ITGA10: variants seen among roughly 807,000 people sequenced by gnomAD.
ITGA10 encodes the protein integrin alpha-10.
Under a neutral mutation model 145.2 loss-of-function variants are expected in ITGA10, and 105 were observed. That is an observed-to-expected ratio of 0.72 (90% CI 0.62 to 0.85). The LOEUF (loss-of-function observed/expected upper bound fraction) is 0.85. Ranked by LOEUF, ITGA10 falls within the 40% of genes least tolerant of loss-of-function variation. ITGA10 has a pLI of 0.00. For synonymous variants in ITGA10, 506 were observed against 557.8 expected (o/e 0.91, Z 1.31); for missense variants, 1,317 against 1,444.5 (o/e 0.91, Z 1.43).
rs1654888382 is a variant in ITGA10 at position 145,892,826 on chromosome 1, T to A, written c.3476A>T (p.Glu1159Val). The change falls in exon 30 of 30, where the codon GAA (glutamate) becomes GTA (valine). Residue 1159 changes from glutamate to valine, a missense_variant. Transcript: ENST00000369304. ...TTGCTCCAACTTCTCTTCTCTTTTT[T>A]CTTCCTCAGGGATTTTCTTATGGGC... Reference protein sequence around the residue: ...FFAHKKIPEEEKREEKLEQ With the variant: ...FFAHKKIPEEVKREEKLEQ 1 of 1,613,760 alleles carries A rather than the reference T, an allele frequency of 6.2e-7. No individual in the cohort carries two copies. The highest frequency in any genetic ancestry group is 8.5e-7 in the Non-Finnish European group (1 of 1,179,776).
In ITGA10 at chr1:145,901,246, T is replaced by C. The variant is rs1553748236; in HGVS notation, c.1476A>G (p.Pro492=). Residue 492 remains proline, a synonymous_variant, in exon 13 of 30, where the codon CCA becomes CCG. Transcript: ENST00000369304. The surrounding 1 kb of genome is among the most constrained non-coding windows in gnomAD (Gnocchi z 4.3). ...IGSYFGSELC[P]LDTDRDGTTD... is the part of the protein sequence containing the mutation. The stretch of plus-strand genomic sequence containing the variant: ...TTGTTCCATCCCTATCTGTATCCAA[T>C]GGGCAGAGCTCACTGCCAAAGTATG... 2 of 1,614,074 alleles carry C rather than the reference T, an allele frequency of 1.2e-6. No homozygotes were observed. Among genetic ancestry groups the C allele is most frequent in the Non-Finnish European group, 1.7e-6 (2 of 1,180,024 alleles).
chr1:145,903,077 A>C, intron 7 of ITGA10, 116 bp from the exon 8 acceptor site: 1 of 962,772 alleles, frequency 1.0e-6, no homozygotes, highest in Non-Finnish European at 1.5e-6. Context: ...AGGATTTAAC[A>C]TCAGCACTTC....
At position 145,893,249 on chromosome 1, in the gene ITGA10, C is replaced by T. The variant is rs149974356; in HGVS notation, c.3350G>A (p.Arg1117Gln). The change falls in exon 29 of 30, where the codon CGG becomes CAG. Residue 1117 changes from arginine to glutamine, a missense_variant. Transcript: ENST00000369304. Reference sequence around the variant, plus strand: ...GATCCACAGGGAGATGAGGATAGGCCGGGTCTGAACCACCTCCAAGAGGCT... The same window carrying T: ...GATCCACAGGGAGATGAGGATAGGCTGGGTCTGAACCACCTCCAAGAGGCT... ...SESLLEVVQT[R>Q]PILISLWILI... The T allele has an allele frequency of 2.9e-4, 474 of 1,613,858 alleles. No homozygotes were observed. The highest frequency in any genetic ancestry group is 3.7e-4 in the Non-Finnish European group (437 of 1,179,904).
intron 17 of ITGA10, 42 bp from the exon 18 acceptor site, chr1:145,898,265 T>C (rs782237888): frequency 1.0e-5 from 13 of 1,271,920 alleles, no homozygotes; most frequent in African/African-American, 1.5e-5. Context: ...GTCAAGGATC[T>C]TGTGATAATT....
intron 1 of ITGA10, among the ~76,000 whole-genome samples, chr1:145,909,034 G>A (rs190431613): frequency 2.4e-4 from 37 of 152,108 alleles, no homozygotes; most frequent in Admixed American, 9.8e-4. Context: ...CAAGCATGGT[G>A]GCTCATGCCT....
chr1:145,908,476 C>G (rs1224724713), intron 1 of ITGA10, among the ~76,000 whole-genome samples: 2 of 152,136 alleles, frequency 1.3e-5, no homozygotes, highest in Non-Finnish European at 2.9e-5. Flanking sequence ...CCCTACCTAC[C>G]TCCATGGTTT....
At chr1:145,904,931 G>T in intron 5 of ITGA10, 120 bp from the exon 6 acceptor site, 2 of 1,011,848 alleles carry the variant, frequency 2.0e-6, no homozygotes, top group Non-Finnish European at 3.0e-6. Context: ...TGCAAAGAAG[G>T]TACTGTGCCA....
intron 8 of ITGA10, 22 bp downstream of exon 8, chr1:145,902,789 C>T (rs1656539422): frequency 6.3e-7 from 1 of 1,596,026 alleles, no homozygotes; most frequent in South Asian, 1.1e-5. Flanking sequence ...CCAACTCTTC[C>T]AGATCCAGGG....
rs1655347228 is a variant in ITGA10 at position 145,896,029 on chromosome 1, T to C, written c.2987A>G (p.His996Arg). 1.2e-6 allele frequency: 2 copies of C among 1,613,918 alleles called. No homozygotes were observed. Among genetic ancestry groups the C allele is most frequent in the South Asian group, 2.2e-5 (2 of 91,072 alleles). ...CAGTGATAGGAAGTAATTGCCCCCA[T>C]GGGCCACAGCTGGAAGGAGGGCTGA... ...IISALLPAVA[H>R]GGNYFLSLSQ... The change falls in exon 25 of 30, where the codon CAT becomes CGT. Residue 996 changes from histidine (H) to arginine (R), a missense_variant. Transcript: ENST00000369304.
chr1:145,901,160 C>A lies in ITGA10; in HGVS notation c.1562G>T (p.Arg521Leu). 6.2e-7 allele frequency: 1 copy of A among 1,614,104 alleles called. No individual in the cohort carries two copies. The highest frequency in any genetic ancestry group is 8.5e-7 in the Non-Finnish European group (1 of 1,180,016). The stretch of plus-strand genomic sequence containing the variant: ...CTGGCCTACCAGATACACATAAACA[C>A]GTCCTGTTTCCTTGTTCTGGGGTCC... ...FLGPQNKETGRVYVYLVGQQS... is the reference protein window; with the variant it reads ...FLGPQNKETGLVYVYLVGQQS... The change falls in exon 13 of 30, where the codon CGT (arginine) becomes CTT (leucine). Residue 521 changes from arginine (R) to leucine (L), a missense_variant. By Grantham distance (102) the Arg-to-Leu change is moderately radical. Transcript: ENST00000369304. This position sits in a 1 kb window ranked among gnomAD's most constrained non-coding sequence, Gnocchi z 4.3.
intron 27 of ITGA10, 35 bp from the exon 28 acceptor site, chr1:145,893,670 G>A (rs1553743994): frequency 6.5e-7 from 1 of 1,527,198 alleles, no homozygotes; most frequent in South Asian, 1.1e-5. Flanking sequence ...CATTTAAAAT[G>A]AGCCATTATC....
Position 145,893,534 on chromosome 1 carries a change from C to G in ITGA10, c.3324+6G>C. On this transcript the variant is annotated splice_donor_region_variant and intron_variant, in intron 28 of 29. Transcript: ENST00000369304. ...CACAGCTCTCAGACTCGGTCTCCAG[C>G]CCTACCTCACTCCAACGGGAGGCTT... 6.2e-7 allele frequency: 1 copy of G among 1,605,234 alleles called. No individual in the cohort carries two copies. Among genetic ancestry groups the G allele is most frequent in the Admixed American group, 1.7e-5 (1 of 59,236 alleles).
Position 145,900,072 on chromosome 1 carries a change from G to T in ITGA10, c.1907C>A (p.Ala636Glu). ...GACCCCTCACCTGAGCAGGATGGCT[G>T]CCCCCTGGGCACCCACAGCCACATC... ...LVDVAVGAQG[A>E]AILLSSRPIV... Residue 636 changes from alanine to glutamate, a missense_variant, in exon 15 of 30, where the codon GCA becomes GAA. Transcript: ENST00000369304. 1 of 1,613,376 alleles carries T rather than the reference G, an allele frequency of 6.2e-7. No homozygotes were observed. Among genetic ancestry groups the T allele is most frequent in the Non-Finnish European group, 8.5e-7 (1 of 1,179,632 alleles).
At position 145,901,932 on chromosome 1, in the gene ITGA10, T is replaced by G; in HGVS notation, c.1239A>C (p.Arg413=). ...LEGGHRLFPP[R]MALEDEFPPA... ...GGGGGAACTCGTCTTCCAGTGCCAT[T>G]CGTGGGGGGAAAAGGCGGTGGCCTC... Residue 413 remains arginine, a synonymous_variant, in exon 11 of 30, where the codon CGA becomes CGC. Coordinates refer to ENST00000369304, the MANE Select transcript of ITGA10 (RefSeq NM_003637.5). This position sits in a 1 kb window ranked among gnomAD's most constrained non-coding sequence, Gnocchi z 4.3. 1 of 1,614,084 alleles carries G rather than the reference T, an allele frequency of 6.2e-7. No individual in the cohort carries two copies. Among genetic ancestry groups the G allele is most frequent in the South Asian group, 1.1e-5 (1 of 91,082 alleles).
At chr1:145,898,889 C>A (rs1238845169) in intron 17 of ITGA10, 47 bp downstream of exon 17, 2 of 1,576,032 alleles carry the variant, frequency 1.3e-6, no homozygotes, top group South Asian at 1.2e-5. Flanking sequence ...CCAGCTTTCT[C>A]CTCATTCTCA....
Position 145,893,568 on chromosome 1 carries a change from T to C in ITGA10, c.3296A>G (p.Gln1099Arg), listed in dbSNP as rs1185065931. ...ELGTEEGSVL[Q>R]LTEASRWSES... ...ACTCCAACGGGAGGCTTCAGTCAGC[T>C]GTAGGACACTGCCCTCTTCGGTTCC... The change falls in exon 28 of 30, where the codon CAG (glutamine) becomes CGG (arginine). Residue 1099 changes from glutamine to arginine, a missense_variant. Transcript: ENST00000369304. 1.9e-6 allele frequency: 3 copies of C among 1,612,764 alleles called. No homozygotes were observed. The highest frequency in any genetic ancestry group is 2.5e-6 in the Non-Finnish European group (3 of 1,179,522).
Position 145,899,064 on chromosome 1 carries a change from C to T in ITGA10, c.2104G>A (p.Ala702Thr), listed in dbSNP as rs35515885. ...CCAGCAGTCCATTCATCCAGTGATG[C>T]GGTGAACCTCATGTCTGAATGAAGG... ...WDHQFYMRFT[A>T]SLDEWTAGAR... The change falls in exon 17 of 30, where the codon GCA becomes ACA. Residue 702 changes from alanine (A) to threonine (T), a missense_variant. Coordinates refer to ENST00000369304, the MANE Select transcript of ITGA10 (RefSeq NM_003637.5). 3.6e-3 allele frequency: 5,809 copies of T among 1,614,222 alleles called. 30 individuals carry two copies. Among genetic ancestry groups the T allele is most frequent in the Middle Eastern group, 0.024 (148 of 6,062 alleles).
At chr1:145,905,626 G>C (rs1657029500) in intron 5 of ITGA10, 1 of 152,342 alleles carries the variant, frequency 6.6e-6, no homozygotes, top group Non-Finnish European at 1.5e-5. Context: ...GCCCAGGCTG[G>C]AGTGTAGTGG....
At position 145,898,242 on chromosome 1, in the gene ITGA10, A is replaced by G. The variant is rs377557469; in HGVS notation, c.2233-19T>C. On this transcript the variant is annotated intron_variant, in intron 17 of 29. Coordinates refer to ENST00000369304, the MANE Select transcript of ITGA10 (RefSeq NM_003637.5). ...ATGTATCCTGAAGGAAAACAGAGTC[A>G]CAGAGTCACAGAGTCAAGGATCTTG... 7.0e-7 allele frequency: 1 copy of G among 1,433,718 alleles called. No individual in the cohort carries two copies. Among genetic ancestry groups the G allele is most frequent in the Admixed American group, 1.7e-5 (1 of 59,638 alleles). The allele number at this position is 1,433,718 out of a possible 1,614,324, so 88.8% of individuals were successfully genotyped here.
Sources: gnomAD v4.1 joint callset for allele counts (sites outside exome capture counted in the v4.1 genomes callset) on GRCh38, gnomAD v4.1.1 for gene constraint, Gnocchi (gnomAD v3.1) non-coding constraint, MANE v1.5 for transcripts, NCBI Gene and HGNC (gene_info 2026-07-23, HGNC 2026-07-21) for gene names.